Variants in DOCK9 observed in about 807,000 individuals in gnomAD.
The protein encoded by DOCK9 is dedicator of cytokinesis protein 9.
In DOCK9, 89 loss-of-function variants were observed where a neutral mutation model predicts 263.3. That is an observed-to-expected ratio of 0.34 (90% confidence interval 0.28 to 0.40). The LOEUF is 0.40. Among genes scored for constraint, DOCK9 ranks in the 10% least tolerant of loss-of-function variants. The pLI is 1.00. For missense variants in DOCK9, 2,140 were observed against 2,603.4 expected, an observed-to-expected ratio of 0.82 and a Z score of 3.87; for synonymous variants, 976 against 973.1, an observed-to-expected ratio of 1.00 and a Z score of -0.06.
chr13:99,019,864 G>A (rs1885867938), intron 1 of DOCK9, among the ~76,000 whole-genome samples: 1 of 152,084 alleles, frequency 6.6e-6, no homozygotes, highest in African/African-American at 2.4e-5. Context: ...ACTTTGGGAG[G>A]CCGAGGCGGG....
chr13:98,867,210 A>C (rs909073505), intron 30 of DOCK9: 18 of 577,530 alleles, frequency 3.1e-5, no homozygotes, highest in African/African-American at 2.3e-4. Context: ...TGAAATAGCC[A>C]TACTGGCATG....
intron 1 of DOCK9, among the ~76,000 whole-genome samples, chr13:98,997,600 G>A (rs1243968387): frequency 6.6e-6 from 1 of 152,166 alleles, no homozygotes; most frequent in South Asian, 2.1e-4. Context: ...TCCTTTGTTG[G>A]TCTCTCAACA....
intron 43 of DOCK9, among the ~76,000 whole-genome samples, chr13:98,828,601 G>T (rs1413486203): frequency 1.3e-5 from 2 of 152,174 alleles, no homozygotes; most frequent in African/African-American, 4.8e-5. Context: ...GTCAAAACTT[G>T]CTTGCTATTG....
At chr13:98,996,391 T>C (rs17785227) in intron 1 of DOCK9, among the ~76,000 whole-genome samples, 2,371 of 152,354 alleles carry the variant, frequency 0.016, 38 homozygotes, top group Non-Finnish European at 0.025. Flanking sequence ...AGCTGACTTA[T>C]GTTATACCTT....
intron 1 of DOCK9, among the ~76,000 whole-genome samples, chr13:99,081,138 G>T (rs976068654): frequency 6.6e-6 from 1 of 152,196 alleles, no homozygotes; most frequent in Non-Finnish European, 1.5e-5. Flanking sequence ...GAGAAAAACA[G>T]TGCAGAGAAG....
chr13:99,075,309 G>A (rs1257187101), intron 1 of DOCK9, among the ~76,000 whole-genome samples: 2 of 150,196 alleles, frequency 1.3e-5, no homozygotes, highest in Non-Finnish European at 2.9e-5. Context: ...CATATAAGTG[G>A]ACCTGTGGAG....
intron 34 of DOCK9, among the ~76,000 whole-genome samples, chr13:98,853,808 A>G (rs1396311397): frequency 1.3e-5 from 2 of 152,322 alleles, no homozygotes; most frequent in Non-Finnish European, 2.9e-5. Context: ...AGCTATGCCA[A>G]GTAAAACCTT....
chr13:98,809,993 C>T (rs1159200082), intron 46 of DOCK9, among the ~76,000 whole-genome samples, 176 bp downstream of exon 46: 1 of 152,084 alleles, frequency 6.6e-6, no homozygotes, highest in East Asian at 1.9e-4. Flanking sequence ...GGGTGATACC[C>T]GATGACTATT....
chr13:98,842,172 G>A (rs552946188), intron 38 of DOCK9, among the ~76,000 whole-genome samples: 29 of 151,914 alleles, frequency 1.9e-4, no homozygotes, highest in African/African-American at 6.3e-4. Context: ...AAGACATTTC[G>A]GAGTTAAATG....
intron 1 of DOCK9, among the ~76,000 whole-genome samples, chr13:99,020,124 A>G (rs1032819620): frequency 2.6e-5 from 4 of 152,110 alleles, no homozygotes; most frequent in African/African-American, 9.7e-5. Flanking sequence ...AAATTTAAGA[A>G]TGAGGGTGGG....
At chr13:99,061,443 C>T (rs1400407635) in intron 1 of DOCK9, among the ~76,000 whole-genome samples, 1 of 152,204 alleles carries the variant, frequency 6.6e-6, no homozygotes, top group Non-Finnish European at 1.5e-5. Flanking sequence ...CTAGCACTCC[C>T]TCGCCTTGAC....
chr13:98,941,417 T>C lies in DOCK9; in HGVS notation c.244-11160A>G, dbSNP rs1326367282. Among the ~76,000 whole-genome samples, 3 of 152,224 alleles carry C rather than the reference T, an allele frequency of 2.0e-5. No individual in the cohort carries two copies. In the South Asian group the frequency reaches 6.2e-4, roughly 32 times the overall value. On this transcript the variant is annotated intron_variant, in intron 2 of 52. Coordinates refer to ENST00000682017, the MANE Select transcript of DOCK9 (RefSeq NM_001366683.2). Reference sequence around the variant, plus strand: ...TGCTTCCTGAAAAGTCAGATTTCAGTAGACTTTGAGAGTCATATGAATTTC... The same window carrying C: ...TGCTTCCTGAAAAGTCAGATTTCAGCAGACTTTGAGAGTCATATGAATTTC...
upstream of DOCK9, among the ~76,000 whole-genome samples, chr13:99,087,290 C>G (rs1021746805): frequency 6.6e-6 from 1 of 152,214 alleles, no homozygotes; most frequent in Non-Finnish European, 1.5e-5. Context: ...GTGGGAGACT[C>G]CCAGACTCCG....
chr13:98,886,727 G>T, intron 18 of DOCK9, 103 bp from the exon 19 acceptor site: 1 of 1,060,992 alleles, frequency 9.4e-7, no homozygotes, highest in Non-Finnish European at 1.4e-6. Context: ...CATAGACTTA[G>T]CATCGCCACC....
At chr13:98,902,240 A>C in intron 12 of DOCK9, 48 bp downstream of exon 12, 1 of 1,596,056 alleles carries the variant, frequency 6.3e-7, no homozygotes. Context: ...TTTAGGTAGC[A>C]TGCAAAGTGA....
intron 2 of DOCK9, among the ~76,000 whole-genome samples, chr13:98,944,846 A>C (rs2056501119): frequency 6.6e-6 from 1 of 152,218 alleles, no homozygotes; most frequent in Non-Finnish European, 1.5e-5. Context: ...ATACAAAGTT[A>C]ATTATGCTTC....
intron 45 of DOCK9, among the ~76,000 whole-genome samples, chr13:98,818,455 A>G (rs2092047261): frequency 6.6e-6 from 1 of 152,252 alleles, no homozygotes; most frequent in South Asian, 2.1e-4. Flanking sequence ...AAATCCAGAC[A>G]ATGGTCAGAT....
chr13:99,045,614 T>C (rs1888904680), intron 1 of DOCK9, among the ~76,000 whole-genome samples: 1 of 152,068 alleles, frequency 6.6e-6, no homozygotes, highest in African/African-American at 2.4e-5. Flanking sequence ...TAGAACTGAG[T>C]TCTCACCACA....
intron 36 of DOCK9, among the ~76,000 whole-genome samples, chr13:98,849,307 C>G (rs2093488445): frequency 6.6e-6 from 1 of 152,040 alleles, no homozygotes; most frequent in African/African-American, 2.4e-5. Flanking sequence ...ACTCTGAAAA[C>G]CAGCTTTCCT....
Sources: gnomAD v4.1 joint callset for allele counts (sites outside exome capture counted in the v4.1 genomes callset) on GRCh38, gnomAD v4.1.1 for gene constraint, MANE v1.5 for transcripts, NCBI Gene and HGNC (gene_info 2026-07-23, HGNC 2026-07-21) for gene names.